The following AKAP13 variants were observed in gnomAD, a reference collection of about 807,000 sequenced individuals.
AKAP13 encodes A-kinase anchor protein 13.
A neutral mutation model predicts 264.5 loss-of-function variants in AKAP13; 80 were observed. That is an observed-to-expected ratio of 0.30 (90% CI 0.25 to 0.36). The LOEUF is 0.36. AKAP13 is among the 10% of genes least tolerant of loss of function. The pLI is 1.00. For synonymous variants in AKAP13, 1,380 were observed against 1,250.2 expected (o/e 1.10, Z -2.19); for missense variants, 3,712 against 3,435.2 (o/e 1.08, Z -2.01).
chr15:85,723,379 G>A, intron 26 of AKAP13, 59 bp downstream of exon 26: 1 of 1,580,234 alleles, frequency 6.3e-7, no homozygotes, highest in Non-Finnish European at 8.6e-7. Flanking sequence ...AAAAATCCAA[G>A]TGCTTTTGTT....
chr15:85,545,586 C>A (rs1003014341), intron 5 of AKAP13, among the ~76,000 whole-genome samples: 4 of 152,140 alleles, frequency 2.6e-5, no homozygotes, highest in African/African-American at 9.7e-5. Flanking sequence ...CAATAGAGGA[C>A]CCTGATAGGA....
intron 8 of AKAP13, among the ~76,000 whole-genome samples, chr15:85,610,221 C>T (rs769028010): frequency 3.3e-5 from 5 of 152,050 alleles, no homozygotes; most frequent in Non-Finnish European, 7.4e-5. Flanking sequence ...TACCTCATTG[C>T]CTTTGTTTTT....
chr15:85,718,157 A>G lies in AKAP13; in HGVS notation c.5999A>G (p.Tyr2000Cys). The change falls in exon 22 of 37, where the codon TAT becomes TGT. Residue 2000 changes from tyrosine to cysteine, a missense_variant and splice_region_variant. By Grantham distance (194) the Tyr-to-Cys change is radical. Coordinates refer to ENST00000394518, the MANE Select transcript of AKAP13 (RefSeq NM_007200.5). This position sits in a 1 kb window ranked among gnomAD's most constrained non-coding sequence, Gnocchi z 4.9. ...GTGGTCAAACGGCAAGAAGTAATAT[A>G]TGGTGAGAGTCTTCATTTTGCTCTG... The part of the protein sequence containing the change: ...KDVVKRQEVI[Y>C]ELMQTEFHHV... 6.2e-7 allele frequency: 1 copy of G among 1,614,012 alleles called. No individual in the cohort carries two copies. Among genetic ancestry groups the G allele is most frequent in the Non-Finnish European group, 8.5e-7 (1 of 1,179,908 alleles).
At chr15:85,422,822 G>A (rs1171055634) in intron 1 of AKAP13, among the ~76,000 whole-genome samples, 5 of 152,190 alleles carry the variant, frequency 3.3e-5, no homozygotes, top group African/African-American at 9.7e-5. Flanking sequence ...AAAAACAGTT[G>A]CATGGCCAGT....
chr15:85,516,404 C>A (rs976832706), intron 2 of AKAP13, among the ~76,000 whole-genome samples: 3 of 152,176 alleles, frequency 2.0e-5, no homozygotes, highest in Non-Finnish European at 4.4e-5. Context: ...AGGTTGGTGT[C>A]AGAGATCATC....
intron 5 of AKAP13, chr15:85,544,200 A>G (rs1288230717): frequency 6.3e-6 from 4 of 633,982 alleles, no homozygotes; most frequent in Non-Finnish European, 8.7e-6. Flanking sequence ...TTCAATTCTT[A>G]TCTCTTATAT....
intron 8 of AKAP13, among the ~76,000 whole-genome samples, chr15:85,594,528 A>T (rs1312481071): frequency 1.3e-5 from 2 of 152,238 alleles, no homozygotes; most frequent in Non-Finnish European, 2.9e-5. Flanking sequence ...TGTATCAGAA[A>T]TATAGGCTTG....
At chr15:85,423,397 A>G (rs533048808) in intron 1 of AKAP13, among the ~76,000 whole-genome samples, 3 of 152,378 alleles carry the variant, frequency 2.0e-5, no homozygotes, top group South Asian at 4.1e-4. Context: ...CATTTCAACA[A>G]TGCACAGCAT....
chr15:85,599,046 T>C (rs184754137), intron 8 of AKAP13, among the ~76,000 whole-genome samples: 4 of 152,338 alleles, frequency 2.6e-5, no homozygotes, highest in African/African-American at 7.2e-5. Context: ...GTTTCCCTAA[T>C]GGGATGATGG....
chr15:85,623,514 C>T (rs1430434755), intron 8 of AKAP13, among the ~76,000 whole-genome samples: 3 of 152,084 alleles, frequency 2.0e-5, no homozygotes, highest in African/African-American at 7.2e-5. Context: ...TGCATTCTGC[C>T]CTGCTTCCTT....
chr15:85,686,144 A>AGT lies in AKAP13; in HGVS notation c.5289+1271_5289+1272insGT, dbSNP rs2084898530. Among the ~76,000 whole-genome samples, 10 of 87,154 alleles carry AGT rather than the reference A, an allele frequency of 1.1e-4. No homozygotes were observed. The Admixed American group carries it at 1.2e-3, about 11-fold the overall frequency. The allele number at this position is 87,154 out of a possible 152,430, so 57.2% of individuals were successfully genotyped here. A position where few individuals can be genotyped will look rare whatever the true frequency, so the allele number is the denominator to read the frequency against. ...AGTTAAGGAACTCTTGCAAGGAATC[A>AGT]CTGTGTGTGTGTGTGTGTGTGTATG... is the stretch of plus-strand genomic sequence containing the variant. On this transcript the variant is annotated intron_variant, in intron 16 of 36. Coordinates refer to ENST00000394518, the MANE Select transcript of AKAP13 (RefSeq NM_007200.5).
At chr15:85,740,702 T>G in intron 34 of AKAP13, 1 of 341,734 alleles carries the variant, frequency 2.9e-6, no homozygotes. Flanking sequence ...ACCTGTCTCG[T>G]TCCTACTTTC....
At chr15:85,710,080 G>A (rs1420791445) in intron 18 of AKAP13, among the ~76,000 whole-genome samples, 19 of 152,106 alleles carry the variant, frequency 1.2e-4, no homozygotes, top group Non-Finnish European at 1.0e-4. Context: ...AAGTATTTTT[G>A]CTACATGGCT....
rs1338301412 is a variant in AKAP13 at position 85,521,471 on chromosome 15, C to G, written c.77C>G (p.Ala26Gly). ...GTGCTGCTTGCTGAAGAGGACAAAG[C>G]TGAAGATGATGTAGTGTTTTACTTG... ...VTVLLAEEDK[A>G]EDDVVFYLVF... is the part of the protein sequence containing the mutation. The change falls in exon 3 of 37, where the codon GCT becomes GGT. Residue 26 changes from alanine to glycine, a missense_variant. Physicochemically the swap from Ala to Gly is moderately conservative, Grantham distance 60. Transcript: ENST00000394518. 6.2e-7 allele frequency: 1 copy of G among 1,614,140 alleles called. No homozygotes were observed. The highest frequency in any genetic ancestry group is 8.5e-7 in the Non-Finnish European group (1 of 1,180,012).
At chr15:85,384,549 T>C (rs901656465) in intron 1 of AKAP13, among the ~76,000 whole-genome samples, 1 of 152,026 alleles carries the variant, frequency 6.6e-6, no homozygotes, top group African/African-American at 2.4e-5. Context: ...AAACCACATC[T>C]CTACTAAAAA....
chr15:85,482,922 G>A (rs1331964203), intron 1 of AKAP13, among the ~76,000 whole-genome samples: 2 of 152,104 alleles, frequency 1.3e-5, no homozygotes, highest in Non-Finnish European at 2.9e-5. Flanking sequence ...AGCCTGTGTT[G>A]CCAGCATAAC....
chr15:85,433,688 G>A (rs1333117110), intron 1 of AKAP13, among the ~76,000 whole-genome samples: 1 of 152,132 alleles, frequency 6.6e-6, no homozygotes, highest in East Asian at 1.9e-4. Context: ...CAGATGTGGT[G>A]GCTCACGCTT....
At chr15:85,520,089 G>A (rs1301666410) in intron 2 of AKAP13, among the ~76,000 whole-genome samples, 3 of 151,964 alleles carry the variant, frequency 2.0e-5, no homozygotes, top group African/African-American at 7.3e-5. Context: ...GGTTACAACA[G>A]GAATTATATA....
Position 85,579,143 on chromosome 15 carries a change from A to G in AKAP13, c.1075A>G (p.Ile359Val), listed in dbSNP as rs1047522515. Residue 359 changes from isoleucine to valine, a missense_variant, in exon 7 of 37, where the codon ATA (isoleucine) becomes GTA (valine). Ile to Val is a conservative substitution (Grantham distance 29). Coordinates refer to ENST00000394518, the MANE Select transcript of AKAP13 (RefSeq NM_007200.5). ...TGAAAGTCCCTGTGATTTGTCAAGC[A>G]TAGTTGAGGAGGAGAATACAGACCG... ...QTESPCDLSSIVEEENTDRSC... is the reference protein window; with the variant it reads ...QTESPCDLSSVVEEENTDRSC... 4 of 1,614,074 alleles carry G rather than the reference A, an allele frequency of 2.5e-6. No homozygotes were observed. The highest frequency in any genetic ancestry group is 2.7e-5 in the African/African-American group (2 of 74,926).
Sources: allele counts gnomAD v4.1 joint callset (sites outside exome capture counted in the v4.1 genomes callset), GRCh38; gene constraint gnomAD v4.1.1; non-coding constraint Gnocchi (gnomAD v3.1); transcripts MANE v1.5; gene names NCBI Gene and HGNC (gene_info 2026-07-23, HGNC 2026-07-21).